Variants in GRID1 observed in about 807,000 individuals in gnomAD.
GRID1 encodes the protein glutamate ionotropic receptor delta type subunit 1.
Under a neutral mutation model 98.0 loss-of-function variants are expected in GRID1, and 28 were observed. That is an observed-to-expected ratio of 0.29 (90% CI 0.21 to 0.39). The LOEUF is 0.39. Among genes scored for constraint, GRID1 ranks in the 10% least tolerant of loss-of-function variants. The pLI, the probability that GRID1 is intolerant of heterozygous loss-of-function variation, is 1.00. For missense variants in GRID1, 1,111 were observed against 1,340.5 expected (o/e 0.83, Z 2.67); for synonymous variants, 553 against 538.5 (o/e 1.03, Z -0.37).
chr10:85,701,571 C>T (rs1177209134), intron 12 of GRID1, among the ~76,000 whole-genome samples: 1 of 151,990 alleles, frequency 6.6e-6, no homozygotes, highest in Non-Finnish European at 1.5e-5. Flanking sequence ...ACTCACAAGC[C>T]CAGGTTAAGA....
intron 12 of GRID1, among the ~76,000 whole-genome samples, chr10:85,681,661 G>A (rs946923733): frequency 3.9e-5 from 6 of 152,102 alleles, no homozygotes; most frequent in African/African-American, 4.8e-5. Context: ...TTCTGCCACC[G>A]CAGCTGAGGG....
chr10:85,742,548 T>G (rs1841954775), intron 8 of GRID1, among the ~76,000 whole-genome samples: 1 of 152,192 alleles, frequency 6.6e-6, no homozygotes, highest in African/African-American at 2.4e-5. Flanking sequence ...AATTGCCCTG[T>G]TTTCAGGAAA....
At chr10:86,354,968 G>A (rs1848514546) in intron 2 of GRID1, among the ~76,000 whole-genome samples, 1 of 152,160 alleles carries the variant, frequency 6.6e-6, no homozygotes, top group Non-Finnish European at 1.5e-5. Flanking sequence ...CGCCCTAAGT[G>A]GGGCCAAGGC....
At chr10:86,245,906 G>A (rs1304938337) in intron 2 of GRID1, among the ~76,000 whole-genome samples, 1 of 152,240 alleles carries the variant, frequency 6.6e-6, no homozygotes, top group Non-Finnish European at 1.5e-5. Flanking sequence ...AACCCTCATG[G>A]TCCCCATTCC....
At chr10:85,692,784 C>T (rs946630736) in intron 12 of GRID1, among the ~76,000 whole-genome samples, 1 of 151,528 alleles carries the variant, frequency 6.6e-6, no homozygotes, top group Non-Finnish European at 1.5e-5. Context: ...AAAAAACCTA[C>T]AAAATAAACA....
intron 2 of GRID1, among the ~76,000 whole-genome samples, chr10:86,301,523 C>T (rs1847687495): frequency 6.6e-6 from 1 of 152,198 alleles, no homozygotes; most frequent in South Asian, 2.1e-4. Context: ...ACATCTCACC[C>T]AGATCTAGAC....
At chr10:86,004,249 G>A (rs1422868141) in intron 4 of GRID1, among the ~76,000 whole-genome samples, 2 of 152,184 alleles carry the variant, frequency 1.3e-5, no homozygotes, top group Non-Finnish European at 2.9e-5. Flanking sequence ...AATGGACATG[G>A]AGGAATATTG....
intron 4 of GRID1, among the ~76,000 whole-genome samples, chr10:85,962,954 T>G (rs755476966): frequency 6.6e-6 from 1 of 152,156 alleles, no homozygotes; most frequent in Admixed American, 6.5e-5. Flanking sequence ...AAATGGATAA[T>G]TTTAAAGTAA....
intron 12 of GRID1, among the ~76,000 whole-genome samples, chr10:85,667,627 G>T (rs1841036736): frequency 1.3e-5 from 2 of 152,136 alleles, no homozygotes; most frequent in Non-Finnish European, 2.9e-5. Flanking sequence ...CCTGCACATG[G>T]ACTCCTAACC....
At chr10:85,853,385 C>A (rs1843078354) in intron 8 of GRID1, among the ~76,000 whole-genome samples, 1 of 152,224 alleles carries the variant, frequency 6.6e-6, no homozygotes, top group Non-Finnish European at 1.5e-5. Flanking sequence ...CGAGGACTGT[C>A]CTTCATGCTC....
At chr10:85,672,961 C>T (rs977345431) in intron 12 of GRID1, among the ~76,000 whole-genome samples, 7 of 152,162 alleles carry the variant, frequency 4.6e-5, no homozygotes. Context: ...TAAATTGAAA[C>T]CTTCTGAAAA....
intron 3 of GRID1, among the ~76,000 whole-genome samples, chr10:86,171,469 A>T (rs931146507): frequency 6.6e-5 from 10 of 152,228 alleles, no homozygotes; most frequent in Admixed American, 2.0e-4. Context: ...TCATGAGTCC[A>T]TTAGATTAGC....
At chr10:86,293,102 G>A (rs534994440) in intron 2 of GRID1, among the ~76,000 whole-genome samples, 3 of 152,314 alleles carry the variant, frequency 2.0e-5, no homozygotes, top group Non-Finnish European at 2.9e-5. Context: ...CTGTGCCGGC[G>A]CTGCCTCTGC....
chr10:86,171,103 G>A (rs939925043), intron 3 of GRID1, among the ~76,000 whole-genome samples: 2 of 152,140 alleles, frequency 1.3e-5, no homozygotes, highest in African/African-American at 2.4e-5. Flanking sequence ...ACATCAGAGC[G>A]TCTAGAAGCA....
At chr10:85,610,339 C>G (rs1039593188) in intron 15 of GRID1, among the ~76,000 whole-genome samples, 1 of 152,210 alleles carries the variant, frequency 6.6e-6, no homozygotes, top group Non-Finnish European at 1.5e-5. Context: ...GCATTTAAGT[C>G]CTTCGGAGCA....
At chr10:86,149,499 G>C (rs1388286486) in intron 3 of GRID1, among the ~76,000 whole-genome samples, 2 of 152,136 alleles carry the variant, frequency 1.3e-5, no homozygotes, top group African/African-American at 4.8e-5. Flanking sequence ...GAAGGCTTCG[G>C]CTAATCCCAC....
intron 2 of GRID1, among the ~76,000 whole-genome samples, chr10:86,242,766 C>A (rs1846658792): frequency 6.6e-6 from 1 of 152,196 alleles, no homozygotes; most frequent in Non-Finnish European, 1.5e-5. Context: ...GATACTGGTG[C>A]TTTGCATGGT....
chr10:86,066,783 A>G (rs1231184246), intron 4 of GRID1, among the ~76,000 whole-genome samples: 2 of 152,110 alleles, frequency 1.3e-5, no homozygotes, highest in Non-Finnish European at 2.9e-5. Context: ...TCATCAGGCC[A>G]CCTCCTCCCC....
rs546848687 is a variant in GRID1 at position 85,805,678 on chromosome 10, C to T, written c.1233+48818G>A. On this transcript the variant is annotated intron_variant, in intron 8 of 15. Transcript: ENST00000327946. ...AGACTAGAGAGTCTGGAAAAAGATCCACATATACATGCTGAATGCATTTTC... is the reference window on the plus strand; with the variant it reads ...AGACTAGAGAGTCTGGAAAAAGATCTACATATACATGCTGAATGCATTTTC... Among the ~76,000 whole-genome samples, 19 of 151,872 alleles carry T rather than the reference C, an allele frequency of 1.3e-4. No homozygotes were observed. In the East Asian group the frequency reaches 3.3e-3, roughly 26 times the overall value.
Sources: allele counts gnomAD v4.1 joint callset (sites outside exome capture counted in the v4.1 genomes callset), GRCh38; gene constraint gnomAD v4.1.1; transcripts MANE v1.5; gene names NCBI Gene and HGNC (gene_info 2026-07-23, HGNC 2026-07-21).